Variants in ARNT2 observed in about 807,000 individuals in gnomAD.
The protein encoded by ARNT2 is ARNT protein 2.
Under a neutral mutation model 91.7 loss-of-function variants are expected in ARNT2, and 36 were observed. The observed-to-expected ratio is 0.39, with a 90% CI of 0.30 to 0.52. The LOEUF is 0.52. Ranked by LOEUF, ARNT2 falls within the 20% of genes least tolerant of loss-of-function variation. ARNT2 has a pLI of 0.72. For synonymous variants in ARNT2, 365 were observed against 347.1 expected (o/e 1.05, Z -0.57); for missense variants, 775 against 939.3 (o/e 0.83, Z 2.29).
chr15:80,502,369 C>T (rs1179468424), intron 5 of ARNT2, among the ~76,000 whole-genome samples: 1 of 152,098 alleles, frequency 6.6e-6, no homozygotes, highest in Admixed American at 6.5e-5. Flanking sequence ...GTTAGGTGGG[C>T]CTTCCACATG....
intron 1 of ARNT2, among the ~76,000 whole-genome samples, chr15:80,446,383 T>C (rs963140370): frequency 8.5e-5 from 13 of 152,300 alleles, no homozygotes; most frequent in Non-Finnish European, 1.8e-4. Context: ...CGAGGTTCAA[T>C]AGCTTGCGCA....
At chr15:80,525,183 G>C (rs1446550022) in intron 8 of ARNT2, among the ~76,000 whole-genome samples, 1 of 152,130 alleles carries the variant, frequency 6.6e-6, no homozygotes, top group East Asian at 1.9e-4. Flanking sequence ...TGGATTGAGT[G>C]GTCTGCACTG....
chr15:80,515,173 A>G (rs1897412375), intron 8 of ARNT2, among the ~76,000 whole-genome samples: 1 of 152,220 alleles, frequency 6.6e-6, no homozygotes, highest in African/African-American at 2.4e-5. Context: ...GGAATATAAA[A>G]TAGCATAGCC....
chr15:80,573,978 T>G (rs924670586), intron 12 of ARNT2, 170 bp from the exon 13 acceptor site: 2 of 598,044 alleles, frequency 3.3e-6, no homozygotes, highest in African/African-American at 3.7e-5. Flanking sequence ...ATGCAATGTC[T>G]GGAGTCTTGA....
intron 17 of ARNT2, among the ~76,000 whole-genome samples, chr15:80,583,217 G>A (rs983621438): frequency 1.3e-5 from 2 of 152,260 alleles, no homozygotes; most frequent in Non-Finnish European, 2.9e-5. Flanking sequence ...GGCCAGGACA[G>A]TCGTTATGTC....
Position 80,537,037 on chromosome 15 carries a change from C to T in ARNT2, c.878-14162C>T, listed in dbSNP as rs189246640. On this transcript the variant is annotated intron_variant, in intron 8 of 18. Coordinates refer to ENST00000303329, the MANE Select transcript of ARNT2 (RefSeq NM_014862.4). Reference sequence around the variant, plus strand: ...TTACATGACATTGCCCCTCCCTCCCCCTTAAACCTAGAGCACTCTTTCATC... The same window carrying T: ...TTACATGACATTGCCCCTCCCTCCCTCTTAAACCTAGAGCACTCTTTCATC... Among the ~76,000 whole-genome samples, 3 of 152,264 alleles carry T rather than the reference C, an allele frequency of 2.0e-5. No homozygotes were observed. In the East Asian group the frequency reaches 5.8e-4, roughly 29 times the overall value.
Position 80,555,117 on chromosome 15 carries a change from A to T in ARNT2, c.1142A>T (p.His381Leu). The T allele has an allele frequency of 6.2e-7, 1 of 1,614,274 alleles. No homozygotes were observed. Among genetic ancestry groups the T allele is most frequent in the Non-Finnish European group, 8.5e-7 (1 of 1,180,040 alleles). ...LEFCHPEDQS[H>L]LRESFQQVVK... The stretch of plus-strand genomic sequence containing the variant: ...TTCTGCCACCCTGAGGATCAAAGCC[A>T]TCTGCGTGAGAGCTTCCAGCAGGTA... The change falls in exon 11 of 19, where the codon CAT (histidine) becomes CTT (leucine). Residue 381 changes from histidine to leucine, a missense_variant. Physicochemically the swap from His to Leu is moderately conservative, Grantham distance 99. Coordinates refer to ENST00000303329, the MANE Select transcript of ARNT2 (RefSeq NM_014862.4).
chr15:80,436,914 G>T (rs188730935), intron 1 of ARNT2, among the ~76,000 whole-genome samples: 1 of 152,074 alleles, frequency 6.6e-6, no homozygotes. Context: ...TAGAATCCAC[G>T]AACTTATTGC....
chr15:80,493,309 A>G (rs146263129), intron 5 of ARNT2, among the ~76,000 whole-genome samples: 1 of 148,984 alleles, frequency 6.7e-6, no homozygotes, highest in African/African-American at 2.5e-5. Context: ...TAAGTTTCCA[A>G]TACATGAGCT....
chr15:80,435,918 G>A (rs1179781849), intron 1 of ARNT2, among the ~76,000 whole-genome samples: 4 of 152,138 alleles, frequency 2.6e-5, no homozygotes, highest in Non-Finnish European at 5.9e-5. Flanking sequence ...TGGCTAGTGC[G>A]TCCCAGCTAC....
intron 1 of ARNT2, among the ~76,000 whole-genome samples, chr15:80,441,577 T>C (rs1896190112): frequency 6.6e-6 from 1 of 152,232 alleles, no homozygotes; most frequent in Non-Finnish European, 1.5e-5. Flanking sequence ...TTGCATGTAA[T>C]TGATTTTTTC....
At chr15:80,533,750 T>C (rs1183101745) in intron 8 of ARNT2, among the ~76,000 whole-genome samples, 1 of 152,256 alleles carries the variant, frequency 6.6e-6, no homozygotes, top group Non-Finnish European at 1.5e-5. Context: ...TGTGTTCCCA[T>C]TGAATCCCAC....
chr15:80,567,797 C>T (rs1203459627), intron 12 of ARNT2, among the ~76,000 whole-genome samples: 1 of 152,186 alleles, frequency 6.6e-6, no homozygotes, highest in Admixed American at 6.5e-5. Flanking sequence ...TGTCTCTGAA[C>T]TGAAAGGTCC....
chr15:80,449,802 A>G (rs1896360308), intron 1 of ARNT2, among the ~76,000 whole-genome samples: 1 of 152,232 alleles, frequency 6.6e-6, no homozygotes, highest in Non-Finnish European at 1.5e-5. Flanking sequence ...AGCCTACACC[A>G]ACCATGCACT....
rs764143940 is a variant in ARNT2, at chr15:80,591,547, C to T, written c.1919-21C>T. 6.2e-7 allele frequency: 1 copy of T among 1,613,910 alleles called. No individual in the cohort carries two copies. Among genetic ancestry groups the T allele is most frequent in the Non-Finnish European group, 8.5e-7 (1 of 1,179,966 alleles). On this transcript the variant is annotated intron_variant, in intron 17 of 18. Coordinates refer to ENST00000303329, the MANE Select transcript of ARNT2 (RefSeq NM_014862.4). The surrounding 1 kb of genome is among the most constrained non-coding windows in gnomAD (Gnocchi z 5.1). ...ACGGGATGGCTTTTAAAGGAAGTGT[C>T]CTGTGTGTCGAATCTTTCAGCTGAA...
intron 17 of ARNT2, among the ~76,000 whole-genome samples, chr15:80,586,745 G>A (rs1242253464): frequency 6.6e-6 from 1 of 151,450 alleles, no homozygotes; most frequent in Admixed American, 6.6e-5. Context: ...GCGCGCTGAG[G>A]CAGGAGAATT....
At chr15:80,582,693 C>T (rs1161370346) in intron 17 of ARNT2, among the ~76,000 whole-genome samples, 1 of 152,140 alleles carries the variant, frequency 6.6e-6, no homozygotes, top group African/African-American at 2.4e-5. Flanking sequence ...CAGTGTGTCT[C>T]CTCTTCGTCT....
intron 6 of ARNT2, among the ~76,000 whole-genome samples, chr15:80,511,683 A>C (rs1288021143): frequency 6.6e-6 from 1 of 152,104 alleles, no homozygotes; most frequent in East Asian, 1.9e-4. Context: ...ATGCATGTGA[A>C]ATCTCGTGGG....
intron 5 of ARNT2, among the ~76,000 whole-genome samples, chr15:80,494,121 G>T (rs573549861): frequency 6.6e-6 from 1 of 152,252 alleles, no homozygotes; most frequent in South Asian, 2.1e-4. Context: ...AGCCTCGGGT[G>T]TTCCTTTATA....
Sources: allele counts gnomAD v4.1 joint callset (sites outside exome capture counted in the v4.1 genomes callset), GRCh38; gene constraint gnomAD v4.1.1; non-coding constraint Gnocchi (gnomAD v3.1); transcripts MANE v1.5; gene names NCBI Gene and HGNC (gene_info 2026-07-23, HGNC 2026-07-21).